The following CLIP1 variants were observed in gnomAD, a reference collection of about 807,000 sequenced individuals.
CLIP1 encodes CAP-Gly domain containing linker protein 1, also known as CAP-Gly domain-containing linker protein 1.
CLIP1 carries 66 observed loss-of-function variants against 161.6 expected under a neutral mutation model. That is an observed-to-expected ratio of 0.41 (90% CI 0.33 to 0.50). CLIP1 has a LOEUF of 0.50. CLIP1 is among the 20% of genes least tolerant of loss of function. The pLI, the probability that CLIP1 is intolerant of heterozygous loss-of-function variation, is 0.27. For missense variants in CLIP1, 1,376 were observed against 1,702.0 expected, an observed-to-expected ratio of 0.81 and a Z score of 3.37; for synonymous variants, 598 against 626.2, an observed-to-expected ratio of 0.96 and a Z score of 0.67.
At chr12:122,347,202 T>C (rs80132428) in intron 10 of CLIP1, among the ~76,000 whole-genome samples, 173 bp downstream of exon 10, 3,354 of 152,284 alleles carry the variant, frequency 0.022, 121 homozygotes, top group African/African-American at 0.077. Flanking sequence ...AGACGAGATA[T>C]AAAACACCTG....
At chr12:122,359,779 G>C (rs1172494798) in intron 5 of CLIP1, among the ~76,000 whole-genome samples, 1 of 152,150 alleles carries the variant, frequency 6.6e-6, no homozygotes, top group Non-Finnish European at 1.5e-5. Context: ...GGCACCGTGA[G>C]ATCCTGGGCT....
chr12:122,400,739 T>C (rs1030236848), intron 1 of CLIP1: 2 of 152,160 alleles, frequency 1.3e-5, no homozygotes, highest in African/African-American at 4.8e-5. Flanking sequence ...CTAAAAAAGT[T>C]TGATACACAG....
Position 122,328,137 on chromosome 12 carries a change from T to C in CLIP1, c.3059A>G (p.Asn1020Ser), listed in dbSNP as rs924615128. The C allele has an allele frequency of 9.9e-6, 16 of 1,614,046 alleles. No individual in the cohort carries two copies. The highest frequency in any genetic ancestry group is 8.3e-5 in the Admixed American group (5 of 59,986). Residue 1020 changes from asparagine to serine, a missense_variant, in exon 17 of 26, where the codon AAC becomes AGC. Physicochemically the swap from Asn to Ser is conservative, Grantham distance 46. This residue lies in a region of CLIP1 where 948 missense variants were observed against 1,134.8 expected (regional missense o/e 0.84). Transcript: ENST00000620786. ...DLEKKMETSH[N>S]QCQELKARYE... ...CCTGGCTTTCAGCTCCTGACACTGG[T>C]TGTGGCTTGTTTCCATTTTCTTTTC...
chr12:122,339,558 A>G (rs959546772), intron 11 of CLIP1, among the ~76,000 whole-genome samples: 15 of 152,114 alleles, frequency 9.9e-5, no homozygotes, highest in Middle Eastern at 3.4e-3. Context: ...CCTGACCTCA[A>G]CTGATCCGCC....
chr12:122,417,023 C>A (rs1043121059), intron 1 of CLIP1, among the ~76,000 whole-genome samples: 1 of 147,924 alleles, frequency 6.8e-6, no homozygotes, highest in African/African-American at 2.5e-5. Flanking sequence ...CTGGGCCAGG[C>A]GCAGTGGCTC....
intron 23 of CLIP1, 122 bp downstream of exon 23, chr12:122,278,670 A>G: frequency 9.9e-7 from 1 of 1,008,900 alleles, no homozygotes. Flanking sequence ...AAGTGGTGGA[A>G]GAGCTAAGGA....
intron 1 of CLIP1, among the ~76,000 whole-genome samples, chr12:122,407,664 C>T (rs1956371787): frequency 7.4e-6 from 1 of 134,594 alleles, no homozygotes; most frequent in Non-Finnish European, 1.6e-5. Flanking sequence ...TGCCACTGCA[C>T]TCCAGCCTGG....
At chr12:122,384,840 T>C (rs1014840143) in intron 1 of CLIP1, among the ~76,000 whole-genome samples, 5 of 151,526 alleles carry the variant, frequency 3.3e-5, no homozygotes, top group African/African-American at 9.7e-5. Context: ...CACATTTCTG[T>C]TCAGGCACAG....
chr12:122,300,278 G>GA (rs1194838311), intron 20 of CLIP1, among the ~76,000 whole-genome samples: 1 of 150,716 alleles, frequency 6.6e-6, no homozygotes, highest in Non-Finnish European at 1.5e-5. Context: ...GAAAATAAAA[G>GA]AAAAAAAAGA....
At chr12:122,422,803 C>G (rs1453897158), upstream of CLIP1, among the ~76,000 whole-genome samples, 1 of 139,076 alleles carries the variant, frequency 7.2e-6, no homozygotes, top group African/African-American at 2.5e-5. Context: ...CCCGCCGCCT[C>G]TTTGTCTGCG....
chr12:122,276,382 CCACACACACACACA>C (rs71082959), intron 24 of CLIP1: 1 of 1,160,594 alleles, frequency 8.6e-7, no homozygotes, highest in Non-Finnish European at 1.1e-6. Context: ...TAGTGGGAAA[CCACACACACACACA>C]CACACACACG....
At chr12:122,393,836 T>C (rs1955773836) in intron 1 of CLIP1, among the ~76,000 whole-genome samples, 1 of 133,910 alleles carries the variant, frequency 7.5e-6, no homozygotes, top group Non-Finnish European at 1.5e-5. Context: ...CACTTGAACC[T>C]GGGAGGCAGA....
At chr12:122,345,114 A>G (rs1159780067) in intron 10 of CLIP1, among the ~76,000 whole-genome samples, 4 of 152,032 alleles carry the variant, frequency 2.6e-5, no homozygotes, top group Non-Finnish European at 5.9e-5. Context: ...TCATTAGTCC[A>G]TTGTATTTCC....
intron 3 of CLIP1, among the ~76,000 whole-genome samples, chr12:122,371,764 A>G (rs1338638194): frequency 6.6e-6 from 1 of 152,160 alleles, no homozygotes; most frequent in African/African-American, 2.4e-5. Context: ...CAAGCCTCAA[A>G]AGGAAAACTG....
At chr12:122,372,416 A>C (rs771101652) in intron 3 of CLIP1, among the ~76,000 whole-genome samples, 7 of 149,120 alleles carry the variant, frequency 4.7e-5, no homozygotes, top group Non-Finnish European at 9.0e-5. Flanking sequence ...ACCTGGTCTA[A>C]AGAAAAAAAA....
chr12:122,380,753 C>T (rs1954976644), intron 1 of CLIP1, among the ~76,000 whole-genome samples, 195 bp from the exon 2 acceptor site: 1 of 151,948 alleles, frequency 6.6e-6, no homozygotes. Context: ...ATTTACTATC[C>T]TCAAGACAAG....
intron 4 of CLIP1, 70 bp downstream of exon 4, chr12:122,363,913 C>T (rs1593169986): frequency 6.2e-7 from 1 of 1,603,848 alleles, no homozygotes; most frequent in East Asian, 2.2e-5. Context: ...ATGATACACG[C>T]TTGGTGAGAC....
At chr12:122,315,449 A>C (rs1951223600) in intron 19 of CLIP1, among the ~76,000 whole-genome samples, 1 of 152,190 alleles carries the variant, frequency 6.6e-6, no homozygotes, top group Non-Finnish European at 1.5e-5. Flanking sequence ...TATCCTTTAA[A>C]ATGTCTGAAA....
In CLIP1 at chr12:122,323,681, C is replaced by T. The variant is rs1236811475; in HGVS notation, c.3249+4266G>A. ...TCTGTTGTTCTGAAGAACATTATCT[C>T]GTTCTACCTTTAAGGCTATGCACGT... On this transcript the variant is annotated intron_variant, in intron 17 of 25. Transcript: ENST00000620786. This position sits in a 1 kb window ranked among gnomAD's most constrained non-coding sequence, Gnocchi z 4.1. 2.0e-5 allele frequency: 3 copies of T among 152,630 alleles called. No homozygotes were observed. The highest frequency in any genetic ancestry group is 2.9e-5 in the Non-Finnish European group (2 of 68,066). 9.5% of individuals were successfully genotyped at this position (152,630 alleles called of 1,614,324 possible). A position where few individuals can be genotyped will look rare whatever the true frequency, so the allele number is the denominator to read the frequency against.
Sources: allele counts gnomAD v4.1 joint callset (sites outside exome capture counted in the v4.1 genomes callset), GRCh38; gene constraint gnomAD v4.1.1; regional missense constraint gnomAD v4.1.1; non-coding constraint Gnocchi (gnomAD v3.1); transcripts MANE v1.5; gene names NCBI Gene and HGNC (gene_info 2026-07-23, HGNC 2026-07-21).